The following MLLT10 variants were observed in gnomAD, a reference collection of about 807,000 sequenced individuals.
MLLT10 encodes the protein protein AF-10.
In MLLT10, 30 loss-of-function variants were observed where a neutral mutation model predicts 129.1. The observed-to-expected ratio is 0.23, with a 90% CI of 0.17 to 0.32. The LOEUF is 0.32. MLLT10 is among the 10% of genes least tolerant of loss of function. The probability of loss-of-function intolerance (pLI) is 1.00; values close to 1 mark genes in which losing one functional copy is unlikely to be tolerated. For synonymous variants in MLLT10, 490 were observed against 446.4 expected, an observed-to-expected ratio of 1.10 and a Z score of -1.23; for missense variants, 1,119 against 1,268.3, an observed-to-expected ratio of 0.88 and a Z score of 1.79.
At chr10:21,664,320 GTTTT>G (rs765181898) in intron 9 of MLLT10, among the ~76,000 whole-genome samples, 1 of 136,184 alleles carries the variant, frequency 7.3e-6, no homozygotes, top group Non-Finnish European at 1.6e-5. Flanking sequence ...TTGTTTGTTT[GTTTT>G]TTTTTTTTGA....
chr10:21,571,955 A>C (rs148884614), intron 3 of MLLT10: 1 of 152,180 alleles, frequency 6.6e-6, no homozygotes, highest in Non-Finnish European at 1.5e-5. Context: ...AGTTTAATTT[A>C]TCAGTGTTTT....
At chr10:21,552,580 C>T (rs1056479986) in intron 3 of MLLT10, among the ~76,000 whole-genome samples, 40 of 151,204 alleles carry the variant, frequency 2.6e-4, no homozygotes, top group Non-Finnish European at 4.6e-4. Context: ...TTAATAGAGA[C>T]GGGGCTTTAC....
chr10:21,540,406 AT>A (rs2034933552), intron 3 of MLLT10, among the ~76,000 whole-genome samples: 1 of 151,510 alleles, frequency 6.6e-6, no homozygotes, highest in Non-Finnish European at 1.5e-5. Context: ...AAAAAAAAAA[AT>A]TAGTTGGGCG....
At chr10:21,697,512 C>T (rs1321955011) in intron 13 of MLLT10, among the ~76,000 whole-genome samples, 9 of 152,014 alleles carry the variant, frequency 5.9e-5, no homozygotes, top group South Asian at 2.1e-4. Context: ...TTCCTACTTT[C>T]GCATGTATTT....
intron 13 of MLLT10, among the ~76,000 whole-genome samples, chr10:21,691,937 G>C (rs1406518501): frequency 6.7e-6 from 1 of 150,038 alleles, no homozygotes; most frequent in Admixed American, 6.7e-5. Flanking sequence ...GGCTGAGGCA[G>C]GCAGATCACT....
chr10:21,573,178 T>G (rs551924057), intron 3 of MLLT10, among the ~76,000 whole-genome samples: 1 of 152,308 alleles, frequency 6.6e-6, no homozygotes, highest in South Asian at 2.1e-4. Context: ...TTTATTCTCT[T>G]CCCTTACAGA....
intron 3 of MLLT10, among the ~76,000 whole-genome samples, chr10:21,550,647 T>C (rs1564390563): frequency 6.6e-6 from 1 of 152,134 alleles, no homozygotes; most frequent in East Asian, 1.9e-4. Flanking sequence ...TTCACCTTCC[T>C]TAGCCTTATG....
intron 13 of MLLT10, among the ~76,000 whole-genome samples, chr10:21,696,783 A>G (rs894980839): frequency 2.0e-5 from 3 of 152,024 alleles, no homozygotes; most frequent in African/African-American, 7.3e-5. Context: ...GGTACTTAAA[A>G]TATTTTGTCT....
chr10:21,660,701 C>A (rs908632380), intron 9 of MLLT10, among the ~76,000 whole-genome samples: 1 of 151,204 alleles, frequency 6.6e-6, no homozygotes, highest in African/African-American at 2.4e-5. Flanking sequence ...TGGCGAAGCC[C>A]CGTATCTACT....
chr10:21,536,568 C>T (rs572401456), intron 2 of MLLT10, among the ~76,000 whole-genome samples: 1 of 152,268 alleles, frequency 6.6e-6, no homozygotes, highest in South Asian at 2.1e-4. Flanking sequence ...TATAGTGAGA[C>T]ACATTTTACA....
In MLLT10 at chr10:21,727,859, A is replaced by G; in HGVS notation, c.1994A>G (p.Gln665Arg). ...IAQSENNQTD[Q>R]DLGDNSRNLV... Reference sequence around the variant, plus strand: ...CTCTGAAATATTTACACTACAGATCAAGATCTTGGAGACAATAGCCGCAAC... The same window carrying G: ...CTCTGAAATATTTACACTACAGATCGAGATCTTGGAGACAATAGCCGCAAC... Residue 665 changes from glutamine (Q) to arginine (R), a missense_variant, in exon 16 of 23, where the codon CAA (glutamine) becomes CGA (arginine). Gln to Arg is a conservative substitution (Grantham distance 43, BLOSUM62 1). Transcript: ENST00000307729. The G allele has an allele frequency of 6.2e-7, 1 of 1,613,682 alleles. No homozygotes were observed. The highest frequency in any genetic ancestry group is 1.1e-5 in the South Asian group (1 of 91,012).
intron 16 of MLLT10, among the ~76,000 whole-genome samples, chr10:21,728,852 A>C (rs553253067): frequency 8.1e-5 from 12 of 148,316 alleles, no homozygotes; most frequent in Non-Finnish European, 1.6e-4. Context: ...ACATGCCAAG[A>C]CTCCATGTCT....
chr10:21,630,687 C>T (rs186358659), intron 8 of MLLT10, among the ~76,000 whole-genome samples: 181 of 152,300 alleles, frequency 1.2e-3, no homozygotes, highest in Middle Eastern at 0.01. Context: ...GCTATTGCCA[C>T]GAGTATTAAA....
Position 21,740,234 on chromosome 10 carries a change from G to C in MLLT10, c.3160G>C (p.Ala1054Pro). Reference protein sequence around the residue: ...IHGDNASQKVARLSDKTGPVA... With the variant: ...IHGDNASQKVPRLSDKTGPVA... Reference sequence around the variant, plus strand: ...TGGAGATAATGCAAGTCAGAAAGTAGCAGTAAGTATATTTTCCTTACTACA... The same window carrying C: ...TGGAGATAATGCAAGTCAGAAAGTACCAGTAAGTATATTTTCCTTACTACA... The change falls in exon 22 of 23, where the codon GCA becomes CCA. Residue 1054 changes from alanine to proline, a missense_variant and splice_region_variant. Physicochemically the swap from Ala to Pro is conservative, Grantham distance 27. Transcript: ENST00000307729. 1 of 1,613,702 alleles carries C rather than the reference G, an allele frequency of 6.2e-7. No individual in the cohort carries two copies. Among genetic ancestry groups the C allele is most frequent in the Non-Finnish European group, 8.5e-7 (1 of 1,179,644 alleles).
At chr10:21,575,389 G>GT (rs2040627994) in intron 3 of MLLT10, among the ~76,000 whole-genome samples, 1 of 152,158 alleles carries the variant, frequency 6.6e-6, no homozygotes, top group Non-Finnish European at 1.5e-5. Flanking sequence ...TAGAGATGGA[G>GT]TTTCATCATG....
Position 21,713,772 on chromosome 10 carries a change from G to A in MLLT10, c.1700G>A (p.Gly567Asp). Reference protein sequence around the residue: ...FSELLNAIHNGIYNSNDVAVS... With the variant: ...FSELLNAIHNDIYNSNDVAVS... ...TTAAATAACATTTGTTTTTTTGCAG[G>A]TATTTATAACAGCAATGATGTAGCA... Residue 567 changes from glycine to aspartate, a missense_variant and splice_region_variant, in exon 14 of 23, where the codon GGT (glycine) becomes GAT (aspartate). By Grantham distance (94) the Gly-to-Asp change is moderately conservative (BLOSUM62 -1). Transcript: ENST00000307729. 1 of 1,600,016 alleles carries A rather than the reference G, an allele frequency of 6.2e-7. No homozygotes were observed. Among genetic ancestry groups the A allele is most frequent in the Non-Finnish European group, 8.5e-7 (1 of 1,173,842 alleles).
intron 13 of MLLT10, among the ~76,000 whole-genome samples, chr10:21,700,343 A>G (rs945450557): frequency 3.9e-5 from 6 of 152,232 alleles, no homozygotes; most frequent in Non-Finnish European, 7.4e-5. Flanking sequence ...ATGGAAGTCA[A>G]CTTGGATGCC....
chr10:21,614,537 C>T (rs2045031045), intron 6 of MLLT10, among the ~76,000 whole-genome samples: 1 of 152,020 alleles, frequency 6.6e-6, no homozygotes, highest in African/African-American at 2.4e-5. Flanking sequence ...GAGAATGTAT[C>T]TTAAACTTAA....
chr10:21,717,542 CCTTCTTCTTTCTTCTTCTT>C (rs2056712216), intron 14 of MLLT10, among the ~76,000 whole-genome samples: 1 of 115,656 alleles, frequency 8.6e-6, no homozygotes, highest in Non-Finnish European at 1.7e-5. Context: ...CCTCCTCCTC[CCTTCTTCTTTCTTCTTCTT>C]TCTTCCTCTT....
Sources: gnomAD v4.1 joint callset for allele counts (sites outside exome capture counted in the v4.1 genomes callset) on GRCh38, gnomAD v4.1.1 for gene constraint, MANE v1.5 for transcripts, NCBI Gene and HGNC (gene_info 2026-07-23, HGNC 2026-07-21) for gene names.